The following RABGAP1L variants were observed in gnomAD, a reference collection of about 807,000 sequenced individuals.
RABGAP1L encodes RAB GTPase activating protein 1 like.
Under a neutral mutation model 137.7 loss-of-function variants are expected in RABGAP1L, and 63 were observed. That is an observed-to-expected ratio of 0.46 (90% CI 0.37 to 0.56). The LOEUF (loss-of-function observed/expected upper bound fraction) is 0.56, where lower values mean the gene tolerates loss of function less well. Among genes scored for constraint, RABGAP1L ranks in the 20% least tolerant of loss-of-function variants. The pLI is 0.00. For synonymous variants in RABGAP1L, 431 were observed against 433.7 expected (o/e 0.99, Z 0.08); for missense variants, 1,095 against 1,244.0 (o/e 0.88, Z 1.80).
At chr1:174,280,193 G>A (rs991779655) in intron 10 of RABGAP1L, among the ~76,000 whole-genome samples, 3 of 151,932 alleles carry the variant, frequency 2.0e-5, no homozygotes, top group Admixed American at 6.6e-5. Flanking sequence ...GGCCAGACTA[G>A]CTTCTTTCTA....
intron 1 of RABGAP1L, among the ~76,000 whole-genome samples, chr1:174,209,886 G>T (rs1273433864): frequency 6.6e-6 from 1 of 152,174 alleles, no homozygotes; most frequent in African/African-American, 2.4e-5. Flanking sequence ...AGCCCCAGGT[G>T]GCACAGAACA....
intron 4 of RABGAP1L, among the ~76,000 whole-genome samples, chr1:174,234,542 C>T (rs1004083839): frequency 7.0e-6 from 1 of 142,136 alleles, no homozygotes; most frequent in East Asian, 1.9e-4. Context: ...CCCATTGCTT[C>T]TTTTTCTCAG....
intron 20 of RABGAP1L, among the ~76,000 whole-genome samples, chr1:174,962,206 C>CA (rs1553295732): frequency 7.4e-6 from 1 of 135,532 alleles, no homozygotes; most frequent in South Asian, 2.5e-4. Flanking sequence ...ACCCCCCCCC[C>CA]ACACACACAC....
chr1:174,248,637 G>A (rs1446043345), intron 5 of RABGAP1L, among the ~76,000 whole-genome samples: 1 of 152,090 alleles, frequency 6.6e-6, no homozygotes, highest in Non-Finnish European at 1.5e-5. Context: ...TGTGGCATTC[G>A]GAAGTTTTTG....
chr1:174,520,729 A>C (rs969545716), intron 13 of RABGAP1L, among the ~76,000 whole-genome samples: 1 of 152,188 alleles, frequency 6.6e-6, no homozygotes, highest in Non-Finnish European at 1.5e-5. Context: ...TCGGCTGGGC[A>C]TGGAGGCTCA....
chr1:174,211,891 A>G (rs1216863290), intron 1 of RABGAP1L, among the ~76,000 whole-genome samples: 2 of 152,222 alleles, frequency 1.3e-5, no homozygotes, highest in Admixed American at 1.3e-4. Flanking sequence ...AAAGAAGATC[A>G]CTGTATAATG....
intron 15 of RABGAP1L, among the ~76,000 whole-genome samples, chr1:174,695,203 C>A (rs75062924): frequency 0.078 from 11,905 of 152,118 alleles, 651 homozygotes; most frequent in East Asian, 0.31. Flanking sequence ...CTACTCTGAT[C>A]TCTTCCCCTA....
intron 19 of RABGAP1L, among the ~76,000 whole-genome samples, chr1:174,912,752 GA>G (rs2149201308): frequency 6.6e-6 from 1 of 152,216 alleles, no homozygotes; most frequent in South Asian, 2.1e-4. Context: ...TTTAAACCCT[GA>G]AAATTATTGA....
chr1:174,775,549 G>A (rs1686461739), intron 18 of RABGAP1L, among the ~76,000 whole-genome samples: 2 of 152,100 alleles, frequency 1.3e-5, no homozygotes, highest in African/African-American at 4.8e-5. Context: ...CCGACCTCAG[G>A]AGATCCGCCC....
intron 13 of RABGAP1L, among the ~76,000 whole-genome samples, chr1:174,633,007 T>A (rs982149698): frequency 6.6e-6 from 1 of 152,074 alleles, no homozygotes; most frequent in Non-Finnish European, 1.5e-5. Flanking sequence ...TTCTGTTTTT[T>A]CCCCATCTTT....
chr1:174,464,400 C>G (rs889915837), intron 13 of RABGAP1L, among the ~76,000 whole-genome samples: 6 of 152,254 alleles, frequency 3.9e-5, no homozygotes, highest in Non-Finnish European at 7.4e-5. Context: ...AAATAGAACT[C>G]TTCAAATCTG....
intron 3 of RABGAP1L, among the ~76,000 whole-genome samples, chr1:174,229,484 G>C (rs545915073): frequency 5.3e-5 from 8 of 152,228 alleles, no homozygotes; most frequent in Middle Eastern, 6.8e-3. Flanking sequence ...CAAGCCACAG[G>C]AACAGTTGTG....
intron 11 of RABGAP1L, among the ~76,000 whole-genome samples, chr1:174,319,121 T>C (rs1428183145): frequency 6.6e-6 from 1 of 152,124 alleles, no homozygotes; most frequent in Non-Finnish European, 1.5e-5. Flanking sequence ...CTTTCAAATG[T>C]TTTTCTTACT....
intron 22 of RABGAP1L, among the ~76,000 whole-genome samples, 179 bp from the exon 23 acceptor site, chr1:174,978,628 A>G (rs1356246450): frequency 6.7e-6 from 1 of 149,772 alleles, no homozygotes; most frequent in Non-Finnish European, 1.5e-5. Flanking sequence ...AGGTTTCTGC[A>G]TCTCTGGAGA....
rs369935214 is a variant in RABGAP1L, at chr1:174,621,344, A to G, written c.1711-16031A>G. On this transcript the variant is annotated intron_variant, in intron 13 of 25. Transcript: ENST00000681986. Reference sequence around the variant, plus strand: ...CCAATGACTTTCTTCACAGAACTGGAGAAAACTACTTTAAAGTTCATATGG... The same window carrying G: ...CCAATGACTTTCTTCACAGAACTGGGGAAAACTACTTTAAAGTTCATATGG... Among the ~76,000 whole-genome samples, 4 of 152,344 alleles carry G rather than the reference A, an allele frequency of 2.6e-5. No individual in the cohort carries two copies. The East Asian group carries it at 5.8e-4, about 22-fold the overall frequency.
intron 12 of RABGAP1L, among the ~76,000 whole-genome samples, chr1:174,391,509 A>G (rs1443570028): frequency 6.6e-6 from 1 of 151,798 alleles, no homozygotes; most frequent in East Asian, 1.9e-4. Context: ...TTTTTTTTCT[A>G]GAGATGAGGT....
chr1:174,876,629 T>G (rs575314604), intron 19 of RABGAP1L, among the ~76,000 whole-genome samples: 2 of 152,296 alleles, frequency 1.3e-5, no homozygotes, highest in Admixed American at 1.3e-4. Flanking sequence ...AGTTAATGGC[T>G]ATCTACTGAT....
chr1:174,573,312 A>G (rs1196109268), intron 13 of RABGAP1L, among the ~76,000 whole-genome samples: 1 of 151,456 alleles, frequency 6.6e-6, no homozygotes, highest in Non-Finnish European at 1.5e-5. Flanking sequence ...TATATATATA[A>G]TTTGTGTGTG....
chr1:174,744,063 G>A (rs937089079), intron 17 of RABGAP1L, among the ~76,000 whole-genome samples: 1 of 125,530 alleles, frequency 8.0e-6, no homozygotes, highest in South Asian at 2.5e-4. Flanking sequence ...TTGTATACAA[G>A]GCTACTATGT....
Sources: allele counts gnomAD v4.1 joint callset (sites outside exome capture counted in the v4.1 genomes callset), GRCh38; gene constraint gnomAD v4.1.1; transcripts MANE v1.5; gene names NCBI Gene and HGNC (gene_info 2026-07-23, HGNC 2026-07-21).